RPL4: variants seen among roughly 807,000 people sequenced by gnomAD.
RPL4 encodes the protein large ribosomal subunit protein uL4.
Under a neutral mutation model 47.7 loss-of-function variants are expected in RPL4, and 3 were observed. That is an observed-to-expected ratio of 0.06 (90% confidence interval 0.03 to 0.16). RPL4 has a LOEUF of 0.16. Ranked by LOEUF, RPL4 falls within the 10% of genes least tolerant of loss-of-function variation. The pLI is 1.00. For missense variants in RPL4, 413 were observed against 551.3 expected, an observed-to-expected ratio of 0.75 and a Z score of 2.51; for synonymous variants, 208 against 182.1, an observed-to-expected ratio of 1.14 and a Z score of -1.15.
intron 3 of RPL4, 136 bp from the exon 4 acceptor site, chr15:66,502,886 A>C (rs748205401): frequency 7.0e-7 from 1 of 1,421,884 alleles, no homozygotes; most frequent in Admixed American, 1.7e-5. Flanking sequence ...GAACAGAGTA[A>C]GACGCAAATT....
rs1416173371 is a variant in RPL4 at position 66,500,061 on chromosome 15, T to C, written c.1033A>G (p.Arg345Gly). The C allele has an allele frequency of 6.2e-7, 1 of 1,611,814 alleles. No individual in the cohort carries two copies. Among genetic ancestry groups the C allele is most frequent in the Non-Finnish European group, 8.5e-7 (1 of 1,179,792 alleles). Reference sequence around the variant, plus strand: ...CAAACAAAAACTCCACTCACATTCCTGGCCTGGCGAAGAATGGTGTTCCGG... The same window carrying C: ...CAAACAAAAACTCCACTCACATTCCCGGCCTGGCGAAGAATGGTGTTCCGG... ...MRRNTILRQA[R>G]NHKLRVDKAA... The change falls in exon 9 of 10, where the codon AGG becomes GGG. Residue 345 changes from arginine (R) to glycine (G), a missense_variant. Transcript: ENST00000307961.
rs557379713 is a variant in RPL4 at position 66,499,399 on chromosome 15, T to G, written c.*8A>C. The G allele has an allele frequency of 1.9e-6, 3 of 1,594,326 alleles. No homozygotes were observed. The South Asian group carries it at 3.5e-5, about 18-fold the overall frequency. On this transcript the variant is annotated 3_prime_UTR_variant, in exon 10 of 10. Coordinates refer to ENST00000307961, the MANE Select transcript of RPL4 (RefSeq NM_000968.4). ...TTTGACCTTTATGGAATAATCAAAT[T>G]TAAGAGTTTATGCAGCAGGCTTCTT...
rs887996265 is a variant in RPL4, at chr15:66,499,228, C to G, written c.*179G>C. 2 of 687,190 alleles carry G rather than the reference C, an allele frequency of 2.9e-6. No homozygotes were observed. The highest frequency in any genetic ancestry group is 3.6e-5 in the African/African-American group (2 of 55,766). 42.6% of individuals were successfully genotyped at this position (687,190 alleles called of 1,614,324 possible). A position where few individuals can be genotyped will look rare whatever the true frequency, so the allele number is the denominator to read the frequency against. On this transcript the variant is annotated 3_prime_UTR_variant, in exon 10 of 10. Transcript: ENST00000307961. ...TAAATCCATGCCCCATTTTATACCA[C>G]ACTATATAAAATGTAACAGTCTAAA...
chr15:66,502,201 CTGAT>C (rs1893632850), intron 4 of RPL4: 2 of 483,524 alleles, frequency 4.1e-6, no homozygotes, highest in East Asian at 4.2e-5. Context: ...CTAGTATTCC[CTGAT>C]TGATTTGTCA....
chr15:66,502,855 ACAG>A, intron 3 of RPL4, 105 bp from the exon 4 acceptor site: 1 of 1,535,970 alleles, frequency 6.5e-7, no homozygotes, highest in Non-Finnish European at 9.0e-7. Context: ...CAGCTTACTG[ACAG>A]CAGGCAACTG....
chr15:66,500,167 G>A lies in RPL4; in HGVS notation c.927C>T (p.Ile309=), dbSNP rs768472849. The A allele has an allele frequency of 6.2e-6, 10 of 1,613,822 alleles. No individual in the cohort carries two copies. Among genetic ancestry groups the A allele is most frequent in the Non-Finnish European group, 7.6e-6 (9 of 1,179,938 alleles). The change falls in exon 9 of 10, where the codon ATC becomes ATT. Residue 309 remains isoleucine (I), a synonymous_variant. Transcript: ENST00000307961. ...QRALRAPRKK[I]HRRVLKKNPL... ...GGTTCTTCTTTAGGACTCTGCGATGGATCTTCTTGCTATAAAAAAGCAGAT... is the reference window on the plus strand; with the variant it reads ...GGTTCTTCTTTAGGACTCTGCGATGAATCTTCTTGCTATAAAAAAGCAGAT...
rs966088744 is a variant in RPL4, at chr15:66,504,794, G to A, written c.-4C>T. The A allele has an allele frequency of 6.2e-7, 1 of 1,611,652 alleles. No homozygotes were observed. Among genetic ancestry groups the A allele is most frequent in the African/African-American group, 1.3e-5 (1 of 74,788 alleles). Reference sequence around the variant, plus strand: ...CAAGAGAACTTCCACTCACCATGGCGGAGAGAGGAGACAGCCACGCTCCTC... The same window carrying A: ...CAAGAGAACTTCCACTCACCATGGCAGAGAGAGGAGACAGCCACGCTCCTC... On this transcript the variant is annotated 5_prime_UTR_variant, in exon 1 of 10. Coordinates refer to ENST00000307961, the MANE Select transcript of RPL4 (RefSeq NM_000968.4).
intron 7 of RPL4, 21 bp downstream of exon 7, chr15:66,500,928 T>G (rs1465278536): frequency 6.2e-7 from 1 of 1,607,850 alleles, no homozygotes; most frequent in Non-Finnish European, 8.5e-7. Context: ...CATCTGTGCT[T>G]AGTATATGAA....
Position 66,501,299 on chromosome 15 carries a change from G to A in RPL4, c.676+76C>T, listed in dbSNP as rs767141853. On this transcript the variant is annotated intron_variant, in intron 6 of 9. Coordinates refer to ENST00000307961, the MANE Select transcript of RPL4 (RefSeq NM_000968.4). ...TTTGTTTCAGAAACACGGACCTTAA[G>A]TGGAATCTCATCATAACAAAAGCTG... 1.2e-5 allele frequency: 19 copies of A among 1,600,422 alleles called. No individual in the cohort carries two copies. In the South Asian group the frequency reaches 2.0e-4, roughly 17 times the overall value.
chr15:66,500,012 G>A lies in RPL4; in HGVS notation c.1038+44C>T, dbSNP rs752090351. On this transcript the variant is annotated intron_variant, in intron 9 of 9. Coordinates refer to ENST00000307961, the MANE Select transcript of RPL4 (RefSeq NM_000968.4). ...CACTCCAGCCTGGGTGACAGAGCGA[G>A]ATTCCGACTCAAAAACAAACAAACA... 1.9e-6 allele frequency: 3 copies of A among 1,609,314 alleles called. No individual in the cohort carries two copies. The Admixed American group carries it at 5.0e-5, about 27-fold the overall frequency.
chr15:66,504,753 AC>A lies in RPL4; in HGVS notation c.3+34del, dbSNP rs764011146. ...AATCCTTCCTTACTGGCCCCGAGAT[AC>A]GGGGTAAGGCCAGCCAAGAGAACTT... On this transcript the variant is annotated intron_variant, in intron 1 of 9. Coordinates refer to ENST00000307961, the MANE Select transcript of RPL4 (RefSeq NM_000968.4). 15 of 1,610,512 alleles carry A rather than the reference AC, an allele frequency of 9.3e-6. No individual in the cohort carries two copies. In the African/African-American group the frequency reaches 1.9e-4, roughly 20 times the overall value.
chr15:66,501,927 T>G lies in RPL4; in HGVS notation c.422-15A>C. 1 of 1,601,126 alleles carries G rather than the reference T, an allele frequency of 6.2e-7. No homozygotes were observed. The highest frequency in any genetic ancestry group is 8.5e-7 in the Non-Finnish European group (1 of 1,175,598). The stretch of plus-strand genomic sequence containing the variant: ...AATACGATGACCTAACAAAAACCAA[T>G]GACACTTACTTGGTTATCCTGAAAC... On this transcript the variant is annotated splice_polypyrimidine_tract_variant and intron_variant, in intron 4 of 9. Transcript: ENST00000307961.
intron 5 of RPL4, 120 bp from the exon 6 acceptor site, chr15:66,501,624 A>G: frequency 1.3e-6 from 2 of 1,516,182 alleles, no homozygotes; most frequent in East Asian, 4.5e-5. Flanking sequence ...AAGGTTACAC[A>G]GAGCCATAAA....
chr15:66,501,891 G>A lies in RPL4; in HGVS notation c.443C>T (p.Pro148Leu). ...ATCTTCAACTACCAAAGGAAGTTCA[G>A]GAACTTCCTCAATACGATGACCTAA... ...MSKGHRIEEVPELPLVVEDKV... is the reference protein window; with the variant it reads ...MSKGHRIEEVLELPLVVEDKV... Residue 148 changes from proline to leucine, a missense_variant, in exon 5 of 10, where the codon CCT becomes CTT. Physicochemically the swap from Pro to Leu is moderately conservative, Grantham distance 98 (BLOSUM62 -3). Transcript: ENST00000307961. 2.5e-6 allele frequency: 4 copies of A among 1,611,638 alleles called. No homozygotes were observed. The highest frequency in any genetic ancestry group is 3.4e-6 in the Non-Finnish European group (4 of 1,179,606).
chr15:66,502,370 T>C (rs1404527687), intron 4 of RPL4: 1 of 490,214 alleles, frequency 2.0e-6, no homozygotes, highest in Non-Finnish European at 3.6e-6. Flanking sequence ...TTAAAAAATT[T>C]TTAAACCGGT....
intron 1 of RPL4, among the ~76,000 whole-genome samples, chr15:66,504,274 G>C (rs1893698632): frequency 6.6e-6 from 1 of 152,086 alleles, no homozygotes; most frequent in African/African-American, 2.4e-5. Flanking sequence ...TACCATCCCA[G>C]TCAGGACAGT....
chr15:66,501,325 A>C, intron 6 of RPL4, 50 bp downstream of exon 6: 5 of 1,612,588 alleles, frequency 3.1e-6, no homozygotes, highest in Non-Finnish European at 4.2e-6. Flanking sequence ...ACAAAAGCTG[A>C]GTAGACTTGC....
intron 9 of RPL4, 38 bp downstream of exon 9, chr15:66,500,018 G>T: frequency 1.2e-6 from 2 of 1,609,858 alleles, no homozygotes; most frequent in South Asian, 2.2e-5. Flanking sequence ...GCGAGATTCC[G>T]ACTCAAAAAC....
At chr15:66,500,423 A>G (rs28706938) in intron 7 of RPL4, 47 bp from the exon 8 acceptor site, 527,179 of 1,524,508 alleles carry the variant, frequency 0.35, 92,966 homozygotes, top group Admixed American at 0.44. Flanking sequence ...AATCAACCAA[A>G]GAACAGGAAG....
Sources: gnomAD v4.1 joint callset for allele counts (sites outside exome capture counted in the v4.1 genomes callset) on GRCh38, gnomAD v4.1.1 for gene constraint, MANE v1.5 for transcripts, NCBI Gene and HGNC (gene_info 2026-07-23, HGNC 2026-07-21) for gene names.